The following AMZ2 variants were observed in gnomAD, a reference collection of about 807,000 sequenced individuals.
AMZ2 encodes the protein archaemetzincin-2.
In AMZ2, 26 loss-of-function variants were observed where a neutral mutation model predicts 36.7. The ratio of observed to expected loss-of-function variants is 0.71; its 90% CI spans 0.52 to 0.98. The LOEUF is 0.98. Among genes scored for constraint, AMZ2 ranks in the 50% least tolerant of loss-of-function variants. The pLI is 0.00. For synonymous variants in AMZ2, 144 were observed against 149.1 expected, an observed-to-expected ratio of 0.97 and a Z score of 0.25; for missense variants, 394 against 430.5, an observed-to-expected ratio of 0.92 and a Z score of 0.75.
chr17:68,253,332 G>GT (rs1199991155), intron 4 of AMZ2, among the ~76,000 whole-genome samples: 1 of 152,172 alleles, frequency 6.6e-6, no homozygotes, highest in African/African-American at 2.4e-5. Flanking sequence ...TCTACTATGG[G>GT]TTTATTACTT....
chr17:68,209,301 C>T (rs1360099162), intron 1 of AMZ2, among the ~76,000 whole-genome samples: 1 of 150,984 alleles, frequency 6.6e-6, no homozygotes, highest in Non-Finnish European at 1.5e-5. Flanking sequence ...TTAAGCGATT[C>T]TCCTGCCTCA....
chr17:68,254,412 A>C lies in AMZ2; in HGVS notation c.595A>C (p.Ile199Leu). The C allele has an allele frequency of 6.2e-7, 1 of 1,611,944 alleles. No homozygotes were observed. The highest frequency in any genetic ancestry group is 8.5e-7 in the Non-Finnish European group (1 of 1,179,692). ...GQASLTDGVGIFSFARYGSDF... is the reference protein window; with the variant it reads ...GQASLTDGVGLFSFARYGSDF... ...TTGTCCTTTTTTTGTAGGTGTGGGG[A>C]TATTCAGCTTTGCCAGGTATGGCAG... The change falls in exon 5 of 7, where the codon ATA becomes CTA. Residue 199 changes from isoleucine (I) to leucine (L), a missense_variant. By Grantham distance (5) the Ile-to-Leu change is conservative. Transcript: ENST00000359904.
intron 1 of AMZ2, among the ~76,000 whole-genome samples, chr17:68,236,738 A>G (rs2073798012): frequency 6.7e-6 from 1 of 149,648 alleles, no homozygotes; most frequent in Admixed American, 6.8e-5. Context: ...CATCCCAGCT[A>G]ATTTTTTTTT....
At chr17:68,250,050 C>T in intron 1 of AMZ2, 138 bp from the exon 2 acceptor site, 1 of 909,504 alleles carries the variant, frequency 1.1e-6, no homozygotes, top group Non-Finnish European at 1.6e-6. Context: ...GGAAACCACT[C>T]TAAGTGTGAC....
At chr17:68,246,195 CAA>C (rs57477453), upstream of AMZ2, among the ~76,000 whole-genome samples, 2,803 of 83,820 alleles carry the variant, frequency 0.033, 84 homozygotes, top group African/African-American at 0.11. Flanking sequence ...ACTAAAAATA[CAA>C]AAAAAAAAAA....
chr17:68,207,868 A>C (rs2072888990), intron 1 of AMZ2, among the ~76,000 whole-genome samples: 1 of 150,662 alleles, frequency 6.6e-6, no homozygotes, highest in Admixed American at 6.6e-5. Flanking sequence ...GGAGAGGCGC[A>C]GGCGGGAACC....
intron 4 of AMZ2, among the ~76,000 whole-genome samples, chr17:68,253,607 T>C (rs1555740979): frequency 6.6e-6 from 1 of 152,162 alleles, no homozygotes; most frequent in African/African-American, 2.4e-5. Context: ...TCAAAAGCCG[T>C]GGTTTAAAGC....
chr17:68,233,510 A>C (rs2073715158), intron 1 of AMZ2, among the ~76,000 whole-genome samples: 2 of 106,456 alleles, frequency 1.9e-5, no homozygotes, highest in Admixed American at 1.9e-4. Context: ...CTATGTCTCA[A>C]AAAAAAAAAA....
intron 1 of AMZ2, among the ~76,000 whole-genome samples, chr17:68,241,794 C>T (rs1370680292): frequency 7.3e-6 from 1 of 137,836 alleles, no homozygotes; most frequent in Non-Finnish European, 1.5e-5. Context: ...GGCATGATCT[C>T]AGAACCTGCA....
chr17:68,236,436 G>A (rs1338388406), intron 1 of AMZ2, among the ~76,000 whole-genome samples: 1 of 150,784 alleles, frequency 6.6e-6, no homozygotes, highest in African/African-American at 2.4e-5. Flanking sequence ...ATTTTTTCAA[G>A]GTAAATAGTT....
intron 1 of AMZ2, among the ~76,000 whole-genome samples, chr17:68,229,245 G>A (rs73998053): frequency 0.015 from 2,309 of 152,164 alleles, 51 homozygotes; most frequent in African/African-American, 0.053. Context: ...CACCTCAAAC[G>A]CAGCCCCCCA....
chr17:68,213,727 T>A (rs1354669472), intron 1 of AMZ2, among the ~76,000 whole-genome samples: 5 of 152,170 alleles, frequency 3.3e-5, no homozygotes, highest in African/African-American at 1.2e-4. Flanking sequence ...CTCTTGTATT[T>A]ATCTTGAGCT....
chr17:68,251,492 A>T (rs1464764879), intron 4 of AMZ2: 1 of 200,926 alleles, frequency 5.0e-6, no homozygotes, highest in African/African-American at 2.4e-5. Flanking sequence ...CATGTCTACA[A>T]AAAAATAAAA....
At chr17:68,214,191 C>T (rs2073138201) in intron 1 of AMZ2, among the ~76,000 whole-genome samples, 1 of 151,960 alleles carries the variant, frequency 6.6e-6, no homozygotes, top group Admixed American at 6.6e-5. Context: ...AAGCTCTGAG[C>T]AAGTGGGTGG....
At chr17:68,214,924 CAGG>C (rs1555726879) in intron 1 of AMZ2, among the ~76,000 whole-genome samples, 6 of 90,510 alleles carry the variant, frequency 6.6e-5, no homozygotes, top group East Asian at 7.2e-4. Flanking sequence ...GCTGGGACTA[CAGG>C]TGTGTGACAC....
chr17:68,223,022 G>A (rs6501293), intron 1 of AMZ2, among the ~76,000 whole-genome samples: 19,356 of 151,880 alleles, frequency 0.13, 1,515 homozygotes, highest in East Asian at 0.29. Context: ...GCAGAGAGGC[G>A]TGTGCTCTCG....
At chr17:68,216,359 C>T (rs1384039430) in intron 1 of AMZ2, among the ~76,000 whole-genome samples, 32 of 152,220 alleles carry the variant, frequency 2.1e-4, no homozygotes, top group African/African-American at 7.5e-4. Flanking sequence ...GTCTCGAACT[C>T]CTGGGTTCAA....
rs1555742330 is a variant in AMZ2 at position 68,255,689 on chromosome 17, T to C, written c.751-11T>C. ...GTGGTCTTATAAAGCCTCAACATGATTGTCTTGCAGACTTTAACCCATGAG... is the reference window on the plus strand; with the variant it reads ...GTGGTCTTATAAAGCCTCAACATGACTGTCTTGCAGACTTTAACCCATGAG... On this transcript the variant is annotated splice_polypyrimidine_tract_variant and intron_variant, in intron 5 of 6. Transcript: ENST00000359904. The C allele has an allele frequency of 1.2e-6, 2 of 1,611,026 alleles. No individual in the cohort carries two copies. The highest frequency in any genetic ancestry group is 1.1e-5 in the South Asian group (1 of 91,020).
chr17:68,227,161 GGT>G (rs2073536393), intron 1 of AMZ2, among the ~76,000 whole-genome samples: 1 of 152,084 alleles, frequency 6.6e-6, no homozygotes, highest in African/African-American at 2.4e-5. Context: ...TGTTCCCACT[GGT>G]GTCACACCCA....
Sources: allele counts gnomAD v4.1 joint callset (sites outside exome capture counted in the v4.1 genomes callset), GRCh38; gene constraint gnomAD v4.1.1; transcripts MANE v1.5; gene names NCBI Gene and HGNC (gene_info 2026-07-23, HGNC 2026-07-21).